The following ABTB3 variants were observed in gnomAD, a reference collection of about 807,000 sequenced individuals.
ABTB3 encodes ankyrin repeat- and BTB/POZ domain-containing protein 3.
At chr12:107,482,920 CTTTCTTTCTTTCTTTCTTTCT>C in the ABTB3 span, among the ~76,000 whole-genome samples, 1 of 35,648 alleles carries the variant, frequency 2.8e-5, no homozygotes, top group African/African-American at 1.7e-4. Context: ...CTTCTTCTTT[CTTTCTTTCTTTCTTTCTTTCT>C]TTCTTTCTTT....
the ABTB3 span, chr12:107,618,497 C>T: frequency 3.2e-5 from 27 of 834,360 alleles, no homozygotes; most frequent in African/African-American, 1.5e-4. Context: ...TGCACACACA[C>T]GTGCACACAC....
the ABTB3 span, among the ~76,000 whole-genome samples, chr12:107,616,084 A>G: frequency 6.6e-6 from 1 of 152,158 alleles, no homozygotes; most frequent in Non-Finnish European, 1.5e-5. Flanking sequence ...GACATGTCAC[A>G]CTGAGAGCTG....
the ABTB3 span, among the ~76,000 whole-genome samples, chr12:107,445,144 A>G: frequency 1.3e-5 from 2 of 152,230 alleles, no homozygotes; most frequent in Non-Finnish European, 2.9e-5. Flanking sequence ...CAGATCTTTC[A>G]GTGGACAGGT....
At chr12:107,389,675 G>A in the ABTB3 span, among the ~76,000 whole-genome samples, 1 of 151,892 alleles carries the variant, frequency 6.6e-6, no homozygotes. Context: ...AGTGTTGACT[G>A]AGCTCAGCTG....
the ABTB3 span, among the ~76,000 whole-genome samples, chr12:107,590,607 A>G: frequency 6.6e-6 from 1 of 152,202 alleles, no homozygotes; most frequent in Non-Finnish European, 1.5e-5. Context: ...GTGGGTGGAA[A>G]CCAGACTGCA....
At chr12:107,507,514 T>C in the ABTB3 span, among the ~76,000 whole-genome samples, 150,524 of 152,192 alleles carry the variant, frequency 0.99, 74,440 homozygotes, top group East Asian at 1. Context: ...GAATCCTGAC[T>C]TCACGCAGGC....
At chr12:107,609,519 G>A in the ABTB3 span, among the ~76,000 whole-genome samples, 1 of 152,120 alleles carries the variant, frequency 6.6e-6, no homozygotes, top group African/African-American at 2.4e-5. Context: ...CTGCGACTGC[G>A]ACTGTTTCGA....
chr12:107,609,728 AACAGGCCAGCTCTCCACACAG>A, the ABTB3 span, among the ~76,000 whole-genome samples: 4 of 152,304 alleles, frequency 2.6e-5, no homozygotes, highest in South Asian at 8.3e-4. Flanking sequence ...ACGGTAGATA[AACAGGCCAGCTCTCCACACAG>A]ACCACCTGGG....
the ABTB3 span, among the ~76,000 whole-genome samples, chr12:107,653,390 G>A: frequency 6.6e-5 from 10 of 151,984 alleles, no homozygotes; most frequent in African/African-American, 2.2e-4. Flanking sequence ...GGTGGCGGGC[G>A]CCTGTAGTCC....
chr12:107,413,669 G>T, the ABTB3 span, among the ~76,000 whole-genome samples: 52 of 152,344 alleles, frequency 3.4e-4, no homozygotes, highest in Admixed American at 2.7e-3. Context: ...GATTGTTGAA[G>T]ATTATTTTAT....
At chr12:107,468,554 G>A in the ABTB3 span, among the ~76,000 whole-genome samples, 1 of 152,092 alleles carries the variant, frequency 6.6e-6, no homozygotes, top group Non-Finnish European at 1.5e-5. Context: ...CTGTGGTTGA[G>A]GCTGGGTGAG....
the ABTB3 span, among the ~76,000 whole-genome samples, chr12:107,574,419 C>T: frequency 1.1e-4 from 16 of 152,206 alleles, no homozygotes; most frequent in African/African-American, 2.7e-4. Context: ...CACCTGGGAG[C>T]GCATTAGAAA....
At chr12:107,487,700 G>A in the ABTB3 span, among the ~76,000 whole-genome samples, 9 of 152,054 alleles carry the variant, frequency 5.9e-5, no homozygotes, top group Non-Finnish European at 1.0e-4. Flanking sequence ...CCTATTTATC[G>A]ACAAAGACCC....
chr12:107,656,932 G>A, the ABTB3 span, among the ~76,000 whole-genome samples: 3 of 152,108 alleles, frequency 2.0e-5, no homozygotes, highest in Admixed American at 6.6e-5. Context: ...TGGGACGCCC[G>A]CCTTGGTGGC....
the ABTB3 span, among the ~76,000 whole-genome samples, chr12:107,641,628 A>AAT: frequency 1.3e-5 from 2 of 152,190 alleles, no homozygotes; most frequent in African/African-American, 4.8e-5. Flanking sequence ...AAATATCTAC[A>AAT]ATGTGTCAGG....
At chr12:107,646,350 A>G in the ABTB3 span, among the ~76,000 whole-genome samples, 2 of 152,232 alleles carry the variant, frequency 1.3e-5, no homozygotes. Flanking sequence ...GTTTCAAGTC[A>G]GCAGCCCCAC....
the ABTB3 span, among the ~76,000 whole-genome samples, chr12:107,362,472 G>A: frequency 6.6e-6 from 1 of 152,188 alleles, no homozygotes; most frequent in East Asian, 1.9e-4. Context: ...CATCAGTAGA[G>A]GGGAATACTG....
chr12:107,576,764 A>G, the ABTB3 span, among the ~76,000 whole-genome samples: 1 of 151,794 alleles, frequency 6.6e-6, no homozygotes, highest in Non-Finnish European at 1.5e-5. Context: ...CCTACTCCGC[A>G]CTCTTTACCA....
the ABTB3 span, among the ~76,000 whole-genome samples, chr12:107,600,885 C>T: frequency 6.6e-6 from 1 of 152,158 alleles, no homozygotes; most frequent in East Asian, 1.9e-4. Context: ...TCAGAGGGAC[C>T]AGGCTCTAGA....
Sources: allele counts gnomAD v4.1 joint callset (sites outside exome capture counted in the v4.1 genomes callset), GRCh38; gene constraint gnomAD v4.1.1; transcripts MANE v1.5; gene names NCBI Gene and HGNC (gene_info 2026-07-23, HGNC 2026-07-21).